Variants in GRAMD1B observed in about 807,000 individuals in gnomAD.
GRAMD1B encodes the protein GRAM domain containing 1B.
Under a neutral mutation model 99.7 loss-of-function variants are expected in GRAMD1B, and 37 were observed. The observed-to-expected ratio is 0.37, with a 90% CI of 0.29 to 0.49. GRAMD1B has a LOEUF of 0.49. Ranked by LOEUF, GRAMD1B falls within the 20% of genes least tolerant of loss-of-function variation. The pLI is 0.98. For missense variants in GRAMD1B, 888 were observed against 1,009.2 expected, an observed-to-expected ratio of 0.88 and a Z score of 1.63; for synonymous variants, 427 against 387.6, an observed-to-expected ratio of 1.10 and a Z score of -1.19.
In GRAMD1B at chr11:123,625,125, T is replaced by C. The variant is rs1450236377; in HGVS notation, c.*2530T>C. The C allele has an allele frequency of 1.3e-5, 2 of 152,220 alleles. No homozygotes were observed. The highest frequency in any genetic ancestry group is 2.9e-5 in the Non-Finnish European group (2 of 68,042). The allele number at this position is 152,220 out of a possible 1,614,324, so 9.4% of individuals were successfully genotyped here. ...ACAAAATCTCTTCCCCCTTAGTCAA[T>C]AGCTTGCGAAAGACATCTTAACTCA... is the stretch of plus-strand genomic sequence containing the variant. On this transcript the variant is annotated 3_prime_UTR_variant, in exon 20 of 20. Transcript: ENST00000635736.
intron 1 of GRAMD1B, among the ~76,000 whole-genome samples, chr11:123,401,768 G>A (rs1346815344): frequency 2.0e-5 from 3 of 152,156 alleles, no homozygotes; most frequent in Non-Finnish European, 2.9e-5. Flanking sequence ...AATTAGCCAG[G>A]GGTGGTGGCA....
intron 2 of GRAMD1B, among the ~76,000 whole-genome samples, chr11:123,503,824 G>A (rs1279777831): frequency 6.6e-6 from 1 of 152,154 alleles, no homozygotes; most frequent in Non-Finnish European, 1.5e-5. Flanking sequence ...TGGGATTATA[G>A]ATGTTAGCCA....
At chr11:123,606,511 G>T in intron 10 of GRAMD1B, 98 bp from the exon 11 acceptor site, 1 of 1,063,064 alleles carries the variant, frequency 9.4e-7, no homozygotes. Context: ...GCTGAGCTGG[G>T]AGTATGAGAG....
At chr11:123,566,479 C>T (rs1947377100) in intron 2 of GRAMD1B, among the ~76,000 whole-genome samples, 1 of 152,214 alleles carries the variant, frequency 6.6e-6, no homozygotes, top group South Asian at 2.1e-4. Context: ...GAAGATCCCA[C>T]TTTTTGGCCG....
At chr11:123,585,600 T>C (rs537071442) in intron 4 of GRAMD1B, among the ~76,000 whole-genome samples, 3 of 152,130 alleles carry the variant, frequency 2.0e-5, no homozygotes, top group Non-Finnish European at 4.4e-5. Context: ...CCTTACCTTC[T>C]AGGAGGTTTC....
chr11:123,390,804 G>A (rs58191615), intron 1 of GRAMD1B, among the ~76,000 whole-genome samples: 4,657 of 152,266 alleles, frequency 0.031, 256 homozygotes, highest in African/African-American at 0.11. Context: ...CCAAACTCAT[G>A]TTTGCTTTCC....
chr11:123,550,646 C>T (rs1281312766), intron 2 of GRAMD1B, among the ~76,000 whole-genome samples: 2 of 152,124 alleles, frequency 1.3e-5, no homozygotes, highest in Admixed American at 1.3e-4. Flanking sequence ...TTTTTAAGGA[C>T]GACATGTCAG....
At chr11:123,392,903 C>T (rs544874076) in intron 1 of GRAMD1B, among the ~76,000 whole-genome samples, 6 of 152,228 alleles carry the variant, frequency 3.9e-5, no homozygotes, top group African/African-American at 1.4e-4. Flanking sequence ...GATTTTTAGA[C>T]GTTTTACTTC....
intron 2 of GRAMD1B, among the ~76,000 whole-genome samples, chr11:123,574,382 A>C (rs1948489897): frequency 6.6e-6 from 1 of 152,188 alleles, no homozygotes. Flanking sequence ...TTGTATTTAG[A>C]AAGATTAATG....
chr11:123,595,188 G>T (rs540106028), intron 6 of GRAMD1B, among the ~76,000 whole-genome samples: 15 of 152,126 alleles, frequency 9.9e-5, no homozygotes, highest in Non-Finnish European at 2.1e-4. Context: ...CAATTTCTGG[G>T]TTCTGTAACT....
intron 2 of GRAMD1B, among the ~76,000 whole-genome samples, chr11:123,525,326 T>C (rs1451182836): frequency 2.0e-5 from 3 of 152,146 alleles, no homozygotes; most frequent in Non-Finnish European, 4.4e-5. Context: ...TAAGGTGGTC[T>C]TGTGCGCCTA....
intron 2 of GRAMD1B, among the ~76,000 whole-genome samples, chr11:123,518,366 C>T (rs2135399762): frequency 6.6e-6 from 1 of 152,226 alleles, no homozygotes; most frequent in South Asian, 2.1e-4. Flanking sequence ...AGACAGAGCT[C>T]TTGTCTCCTC....
intron 1 of GRAMD1B, among the ~76,000 whole-genome samples, chr11:123,457,851 A>G (rs1200353987): frequency 6.6e-6 from 1 of 151,992 alleles, no homozygotes; most frequent in Non-Finnish European, 1.5e-5. Context: ...AGTAGCTGAG[A>G]CTACAGGCAT....
chr11:123,558,001 T>TA (rs1555071850), intron 2 of GRAMD1B, among the ~76,000 whole-genome samples: 3 of 149,138 alleles, frequency 2.0e-5, no homozygotes, highest in Admixed American at 6.7e-5. Flanking sequence ...TTTTTTTTTT[T>TA]AATGCAGAGT....
intron 3 of GRAMD1B, among the ~76,000 whole-genome samples, chr11:123,584,053 G>A (rs1949768333): frequency 6.6e-6 from 1 of 151,996 alleles, no homozygotes; most frequent in Non-Finnish European, 1.5e-5. Context: ...ACTCCCTTCC[G>A]GTTGAGCTCT....
At chr11:123,448,712 T>C (rs1489937746) in intron 1 of GRAMD1B, among the ~76,000 whole-genome samples, 2 of 152,264 alleles carry the variant, frequency 1.3e-5, no homozygotes, top group Non-Finnish European at 2.9e-5. Context: ...TCATTATTTT[T>C]CCCTTCAAAC....
intron 2 of GRAMD1B, among the ~76,000 whole-genome samples, chr11:123,549,111 C>A (rs74696609): frequency 0.021 from 3,142 of 152,248 alleles, 97 homozygotes; most frequent in African/African-American, 0.071. Flanking sequence ...AGAAACAGGG[C>A]AGGGTTCGGC....
intron 4 of GRAMD1B, among the ~76,000 whole-genome samples, chr11:123,593,303 A>G (rs1950885878): frequency 6.6e-6 from 1 of 152,174 alleles, no homozygotes; most frequent in Admixed American, 6.5e-5. Flanking sequence ...CTGTGTATTC[A>G]GCTGGCTCAT....
In GRAMD1B at chr11:123,610,493, C is replaced by T. The variant is rs190861000; in HGVS notation, c.1919+155C>T. ...CCGAAGCCTTATGAGGCTCACCCAC[C>T]ACTCTGTTTGAGTTAATTATTCTCT... On this transcript the variant is annotated intron_variant, in intron 14 of 19. Coordinates refer to ENST00000635736, the MANE Select transcript of GRAMD1B (RefSeq NM_001387025.1). The surrounding 1 kb of genome is among the most constrained non-coding windows in gnomAD (Gnocchi z 4.1). Among the ~76,000 whole-genome samples the T allele has an allele frequency of 1.3e-5, 2 of 152,296 alleles. No homozygotes were observed. The highest frequency in any genetic ancestry group is 1.3e-4 in the Admixed American group (2 of 15,296).
Sources: allele counts gnomAD v4.1 joint callset (sites outside exome capture counted in the v4.1 genomes callset), GRCh38; gene constraint gnomAD v4.1.1; non-coding constraint Gnocchi (gnomAD v3.1); transcripts MANE v1.5; gene names NCBI Gene and HGNC (gene_info 2026-07-23, HGNC 2026-07-21).